Variants in TFDP2 observed in about 807,000 individuals in gnomAD.
TFDP2 encodes transcription factor Dp-2 (E2F dimerization partner 2).
TFDP2 carries 17 observed loss-of-function variants against 59.3 expected under a neutral mutation model. That is an observed-to-expected ratio of 0.29 (90% CI 0.20 to 0.43). TFDP2 has a LOEUF of 0.43. TFDP2 is among the 20% of genes least tolerant of loss of function. The pLI is 1.00. For missense variants in TFDP2, 391 were observed against 528.8 expected (o/e 0.74, Z 2.56); for synonymous variants, 180 against 194.7 (o/e 0.92, Z 0.63).
chr3:142,081,745 C>T (rs1052282704), intron 3 of TFDP2, among the ~76,000 whole-genome samples: 8 of 152,124 alleles, frequency 5.3e-5, no homozygotes, highest in African/African-American at 1.7e-4. Flanking sequence ...TGGATAAATT[C>T]CCAGACACAT....
intron 4 of TFDP2, 81 bp downstream of exon 4, chr3:142,005,360 C>T: frequency 8.4e-7 from 1 of 1,194,048 alleles, no homozygotes; most frequent in Non-Finnish European, 1.2e-6. Flanking sequence ...AATATCTGAT[C>T]AAATATATTT....
chr3:141,973,899 C>T (rs1251348329), intron 8 of TFDP2, 149 bp downstream of exon 8: 1 of 909,590 alleles, frequency 1.1e-6, no homozygotes, highest in Non-Finnish European at 1.6e-6. Context: ...AGGCGCCTTC[C>T]AATTCTAAAA....
intron 3 of TFDP2, among the ~76,000 whole-genome samples, chr3:142,045,032 A>G (rs1043510123): frequency 3.9e-5 from 6 of 152,106 alleles, no homozygotes; most frequent in Non-Finnish European, 8.8e-5. Flanking sequence ...CATTAAACAA[A>G]CCCCATGAGA....
intron 3 of TFDP2, among the ~76,000 whole-genome samples, chr3:142,012,015 C>CTT (rs1248723479): frequency 0.051 from 7,094 of 138,192 alleles, 267 homozygotes; most frequent in Middle Eastern, 0.087. Context: ...TTCTTTCTTT[C>CTT]TTTTTTTTTT....
At chr3:142,107,078 C>T (rs2061497210) in intron 1 of TFDP2, among the ~76,000 whole-genome samples, 4 of 152,058 alleles carry the variant, frequency 2.6e-5, no homozygotes, top group African/African-American at 7.2e-5. Context: ...TTAGAAAATA[C>T]ACAAAACAAA....
At chr3:142,088,977 G>T (rs1402131890) in intron 3 of TFDP2, among the ~76,000 whole-genome samples, 1 of 151,784 alleles carries the variant, frequency 6.6e-6, no homozygotes, top group African/African-American at 2.4e-5. Flanking sequence ...ACAGGTGCCC[G>T]CCACCATGCC....
At chr3:141,973,781 A>G (rs1940201090) in intron 8 of TFDP2, among the ~76,000 whole-genome samples, 1 of 151,478 alleles carries the variant, frequency 6.6e-6, no homozygotes, top group African/African-American at 2.4e-5. Context: ...GAATTAACTT[A>G]GGATGAAATA....
intron 3 of TFDP2, among the ~76,000 whole-genome samples, chr3:142,091,862 G>A (rs1004762982): frequency 3.9e-5 from 6 of 152,046 alleles, no homozygotes; most frequent in South Asian, 2.1e-4. Flanking sequence ...CTTGCTGGCC[G>A]CTCACCTTCT....
intron 11 of TFDP2, among the ~76,000 whole-genome samples, chr3:141,958,156 C>T (rs1936924146): frequency 6.6e-6 from 1 of 152,038 alleles, no homozygotes; most frequent in Admixed American, 6.6e-5. Context: ...TCAATCTGTA[C>T]GTTTGCATGT....
intron 1 of TFDP2, among the ~76,000 whole-genome samples, chr3:142,113,190 G>C (rs1023925409): frequency 6.6e-6 from 1 of 152,172 alleles, no homozygotes; most frequent in South Asian, 2.1e-4. Flanking sequence ...CTTTAGATTA[G>C]CATCACAAAT....
intron 9 of TFDP2, among the ~76,000 whole-genome samples, chr3:141,965,297 G>A (rs975438821): frequency 6.6e-6 from 1 of 151,678 alleles, no homozygotes; most frequent in Non-Finnish European, 1.5e-5. Flanking sequence ...GATCAGTATT[G>A]TTTATTTCAG....
chr3:142,030,780 T>C (rs887747133), intron 3 of TFDP2, among the ~76,000 whole-genome samples: 1 of 144,142 alleles, frequency 6.9e-6, no homozygotes, highest in Non-Finnish European at 1.5e-5. Context: ...TCTCGCTCTG[T>C]CGCCCAGGCT....
intron 9 of TFDP2, among the ~76,000 whole-genome samples, chr3:141,964,374 G>C (rs1025239305): frequency 1.3e-5 from 2 of 152,178 alleles, no homozygotes; most frequent in Non-Finnish European, 2.9e-5. Flanking sequence ...GAGGGAGGCT[G>C]GGCACAGTGG....
At position 141,959,716 on chromosome 3, in the gene TFDP2, C is replaced by T. The variant is rs1246160010; in HGVS notation, c.1009G>A (p.Ala337Thr). 1 of 1,614,152 alleles carries T rather than the reference C, an allele frequency of 6.2e-7. No homozygotes were observed. Among genetic ancestry groups the T allele is most frequent in the East Asian group, 2.2e-5 (1 of 44,874 alleles). ...AAAGCCTTTGGCACCAGGGATTTCG[C>T]AAGTTTCAGATCCTCCAGAGAGCAT... is the stretch of plus-strand genomic sequence containing the variant. ...GKCSLEDLKLAKSLVPKALEG... is the reference protein window; with the variant it reads ...GKCSLEDLKLTKSLVPKALEG... The change falls in exon 11 of 13, where the codon GCG (alanine) becomes ACG (threonine). Residue 337 changes from alanine (A) to threonine (T), a missense_variant. Around this residue, in one of 3 missense-constraint regions of TFDP2, gnomAD observed 223 missense variants for 292.5 expected, o/e 0.76. Transcript: ENST00000489671.
intron 10 of TFDP2, among the ~76,000 whole-genome samples, chr3:141,960,576 G>A (rs931304521): frequency 6.6e-6 from 1 of 152,102 alleles, no homozygotes; most frequent in Non-Finnish European, 1.5e-5. Context: ...GACAATGGTA[G>A]GTTTCACCTG....
intron 3 of TFDP2, among the ~76,000 whole-genome samples, chr3:142,086,980 T>A (rs2060825820): frequency 6.6e-6 from 1 of 151,938 alleles, no homozygotes; most frequent in African/African-American, 2.4e-5. Flanking sequence ...GTCTTAGGAG[T>A]TCTGTGTCAG....
intron 6 of TFDP2, among the ~76,000 whole-genome samples, chr3:141,984,368 G>A (rs767535456): frequency 1.5e-4 from 23 of 152,044 alleles, no homozygotes; most frequent in African/African-American, 5.1e-4. Flanking sequence ...GTGGTGGCGC[G>A]TGCCTGTAGT....
At chr3:142,117,217 G>C (rs188140993) in intron 1 of TFDP2, among the ~76,000 whole-genome samples, 1 of 151,988 alleles carries the variant, frequency 6.6e-6, no homozygotes, top group Non-Finnish European at 1.5e-5. Context: ...CACTGCACCC[G>C]GCCCGAAAAA....
At chr3:141,991,249 T>C (rs1458519975) in intron 6 of TFDP2, among the ~76,000 whole-genome samples, 1 of 152,246 alleles carries the variant, frequency 6.6e-6, no homozygotes, top group Non-Finnish European at 1.5e-5. Context: ...AATTTTTTTA[T>C]GGTTTACAAA....
Sources: allele counts gnomAD v4.1 joint callset (sites outside exome capture counted in the v4.1 genomes callset), GRCh38; gene constraint gnomAD v4.1.1; regional missense constraint gnomAD v4.1.1; transcripts MANE v1.5; gene names NCBI Gene and HGNC (gene_info 2026-07-23, HGNC 2026-07-21).